Variants in EXOC4 observed in about 807,000 individuals in gnomAD.
EXOC4 encodes the protein SEC8-like 1.
A neutral mutation model predicts 107.2 loss-of-function variants in EXOC4; 71 were observed. The ratio of observed to expected loss-of-function variants is 0.66; its 90% CI spans 0.55 to 0.81. The LOEUF (loss-of-function observed/expected upper bound fraction) is 0.81, where lower values mean the gene tolerates loss of function less well. EXOC4 is among the 30% of genes least tolerant of loss of function. The probability of loss-of-function intolerance (pLI) is 0.00; values close to 1 mark genes in which losing one functional copy is unlikely to be tolerated. For missense variants in EXOC4, 1,108 were observed against 1,189.6 expected (o/e 0.93, Z 1.01); for synonymous variants, 456 against 441.2 (o/e 1.03, Z -0.42).
intron 9 of EXOC4, among the ~76,000 whole-genome samples, chr7:133,613,756 T>C (rs1200114088): frequency 6.6e-6 from 1 of 152,156 alleles, no homozygotes; most frequent in Non-Finnish European, 1.5e-5. Context: ...GCTGCATCAG[T>C]AGGCATGAAA....
intron 10 of EXOC4, among the ~76,000 whole-genome samples, chr7:133,671,211 G>A (rs1189188788): frequency 6.6e-6 from 1 of 152,104 alleles, no homozygotes; most frequent in South Asian, 2.1e-4. Flanking sequence ...ACAGTGAGAT[G>A]GGGAGCTATT....
At chr7:133,776,667 A>AT (rs1362323013) in intron 10 of EXOC4, among the ~76,000 whole-genome samples, 4 of 152,186 alleles carry the variant, frequency 2.6e-5, no homozygotes, top group Non-Finnish European at 1.5e-5. Flanking sequence ...TCAACATATT[A>AT]TTTTTTAAGA....
intron 8 of EXOC4, among the ~76,000 whole-genome samples, chr7:133,478,102 C>T (rs181276380): frequency 2.7e-5 from 4 of 150,516 alleles, no homozygotes; most frequent in Admixed American, 1.3e-4. Flanking sequence ...GTCTCAGATG[C>T]GCCTAAGCAG....
At chr7:133,773,188 A>T (rs1333164670) in intron 10 of EXOC4, among the ~76,000 whole-genome samples, 1 of 151,938 alleles carries the variant, frequency 6.6e-6, no homozygotes, top group African/African-American at 2.4e-5. Context: ...GCCACCCAGT[A>T]CATTTGTTTC....
At chr7:133,326,351 G>C (rs1795240404) in intron 5 of EXOC4, among the ~76,000 whole-genome samples, 2 of 152,184 alleles carry the variant, frequency 1.3e-5, no homozygotes, top group East Asian at 3.9e-4. Flanking sequence ...ATCTGCCTTT[G>C]GTCTTTGATG....
intron 9 of EXOC4, among the ~76,000 whole-genome samples, chr7:133,554,705 C>G (rs1461747503): frequency 2.0e-5 from 3 of 152,150 alleles, no homozygotes; most frequent in Non-Finnish European, 1.5e-5. Context: ...GGAGCCCCAC[C>G]TGACCTTTCC....
In EXOC4 at chr7:133,275,156, A is replaced by G. The variant is rs963562878; in HGVS notation, c.261A>G (p.Arg87=). 1.3e-6 allele frequency: 2 copies of G among 1,597,042 alleles called. No individual in the cohort carries two copies. The highest frequency in any genetic ancestry group is 1.7e-6 in the Non-Finnish European group (2 of 1,170,548). The part of the protein sequence containing the change: ...QSITERITNS[R]NKIKQVKENL... ...TCACAGAGCGCATCACTAACTCCCG[A>G]AATAAAATAAAGCAGGTATTCCTCC... Residue 87 remains arginine, a synonymous_variant, in exon 2 of 18, where the codon CGA becomes CGG. Transcript: ENST00000253861.
chr7:133,818,924 T>C (rs1797440684), intron 11 of EXOC4, among the ~76,000 whole-genome samples: 2 of 152,114 alleles, frequency 1.3e-5, no homozygotes, highest in Admixed American at 1.3e-4. Flanking sequence ...CCTTGCCAGG[T>C]AGCTTCTGAT....
At chr7:134,000,870 C>T (rs181598730) in intron 15 of EXOC4, among the ~76,000 whole-genome samples, 69 of 152,230 alleles carry the variant, frequency 4.5e-4, no homozygotes, top group Non-Finnish European at 8.4e-4. Flanking sequence ...AGCAAAAAGT[C>T]CAGAACAACT....
At chr7:133,362,544 G>A (rs1001244681) in intron 6 of EXOC4, among the ~76,000 whole-genome samples, 10 of 152,128 alleles carry the variant, frequency 6.6e-5, no homozygotes, top group East Asian at 5.8e-4. Context: ...TCAGAAATAC[G>A]TTGAATTATT....
chr7:134,098,992 T>A, the EXOC4 span, among the ~76,000 whole-genome samples: 78 of 152,184 alleles, frequency 5.1e-4, no homozygotes, highest in African/African-American at 1.8e-3. Context: ...GTCAAGGGTG[T>A]TTCCAGAAGG....
At chr7:133,859,002 TC>T (rs1798477322) in intron 11 of EXOC4, among the ~76,000 whole-genome samples, 1 of 152,104 alleles carries the variant, frequency 6.6e-6, no homozygotes, top group Non-Finnish European at 1.5e-5. Flanking sequence ...TTGACTCTTC[TC>T]CCCTGCCTCA....
In EXOC4 at chr7:133,306,454, A is replaced by G. The variant is rs1164635626; in HGVS notation, c.656+393A>G. On this transcript the variant is annotated intron_variant, in intron 4 of 17. Coordinates refer to ENST00000253861, the MANE Select transcript of EXOC4 (RefSeq NM_021807.4). ...GGCTTATGCTTGTAATCCCAGCACTATGAGAGGCTGAGGTGGAAGGATTGC... is the reference window on the plus strand; with the variant it reads ...GGCTTATGCTTGTAATCCCAGCACTGTGAGAGGCTGAGGTGGAAGGATTGC... Among the ~76,000 whole-genome samples, 5 of 152,084 alleles carry G rather than the reference A, an allele frequency of 3.3e-5. No homozygotes were observed. In the East Asian group the frequency reaches 9.7e-4, roughly 29 times the overall value.
At chr7:133,535,575 G>T (rs1800256325) in intron 9 of EXOC4, among the ~76,000 whole-genome samples, 1 of 152,206 alleles carries the variant, frequency 6.6e-6, no homozygotes, top group African/African-American at 2.4e-5. Context: ...TAGAGGATTT[G>T]CATGCAGACC....
At chr7:134,061,963 A>T (rs1485715070) in intron 17 of EXOC4, among the ~76,000 whole-genome samples, 1 of 152,158 alleles carries the variant, frequency 6.6e-6, no homozygotes, top group Non-Finnish European at 1.5e-5. Flanking sequence ...AGATTTACTG[A>T]TCTGGCACTG....
At chr7:133,625,516 G>C (rs1056698859) in intron 9 of EXOC4, among the ~76,000 whole-genome samples, 2 of 152,084 alleles carry the variant, frequency 1.3e-5, no homozygotes, top group Non-Finnish European at 2.9e-5. Context: ...TTTGGTTTCT[G>C]TTTGTGTTTT....
chr7:133,775,252 G>T (rs1245335394), intron 10 of EXOC4, among the ~76,000 whole-genome samples: 3 of 152,144 alleles, frequency 2.0e-5, no homozygotes, highest in African/African-American at 7.2e-5. Context: ...GGGGGAAAAG[G>T]AGTAGAAATC....
intron 10 of EXOC4, among the ~76,000 whole-genome samples, chr7:133,744,464 G>A (rs1392951858): frequency 6.6e-6 from 1 of 152,152 alleles, no homozygotes; most frequent in Non-Finnish European, 1.5e-5. Context: ...AGGGGAAGAA[G>A]AAATGTACGA....
intron 10 of EXOC4, among the ~76,000 whole-genome samples, chr7:133,709,204 A>C (rs571650351): frequency 6.6e-6 from 1 of 152,360 alleles, no homozygotes; most frequent in Admixed American, 6.5e-5. Context: ...ACAAGTTATC[A>C]CTAGGCTGTG....
Sources: allele counts gnomAD v4.1 joint callset (sites outside exome capture counted in the v4.1 genomes callset), GRCh38; gene constraint gnomAD v4.1.1; transcripts MANE v1.5; gene names NCBI Gene and HGNC (gene_info 2026-07-23, HGNC 2026-07-21).